Variants in DLG2 observed in about 807,000 individuals in gnomAD.
The protein encoded by DLG2 is discs large MAGUK scaffold protein 2.
In DLG2, 45 loss-of-function variants were observed where a neutral mutation model predicts 132.5. That is an observed-to-expected ratio of 0.34 (90% CI 0.27 to 0.44). DLG2 has a LOEUF of 0.44. DLG2 is among the 20% of genes least tolerant of loss of function. The probability of loss-of-function intolerance (pLI) is 1.00; values close to 1 mark genes in which losing one functional copy is unlikely to be tolerated. For synonymous variants in DLG2, 424 were observed against 419.6 expected (o/e 1.01, Z -0.13); for missense variants, 1,045 against 1,196.9 (o/e 0.87, Z 1.87).
intron 16 of DLG2, among the ~76,000 whole-genome samples, chr11:83,851,881 T>C (rs2059840070): frequency 6.7e-6 from 1 of 149,958 alleles, no homozygotes; most frequent in Non-Finnish European, 1.5e-5. Context: ...ATCGTGCCAC[T>C]GAACTCCAGC....
chr11:85,370,190 T>TA (rs899496170), intron 3 of DLG2, among the ~76,000 whole-genome samples: 4 of 152,202 alleles, frequency 2.6e-5, no homozygotes, highest in African/African-American at 9.7e-5. Flanking sequence ...TAAAGCAACT[T>TA]ACCAAGTTTT....
At chr11:84,456,551 AACACC>A (rs1296619837) in intron 7 of DLG2, among the ~76,000 whole-genome samples, 1 of 151,246 alleles carries the variant, frequency 6.6e-6, no homozygotes, top group Non-Finnish European at 1.5e-5. Context: ...GGGCTTTAAA[AACACC>A]ACATACATTA....
At chr11:84,580,512 C>T (rs950310006) in intron 6 of DLG2, among the ~76,000 whole-genome samples, 1 of 152,192 alleles carries the variant, frequency 6.6e-6, no homozygotes, top group African/African-American at 2.4e-5. Context: ...AGTTCACAGG[C>T]TCTGTGTGAT....
At chr11:85,029,377 CAT>C (rs2060821912) in intron 6 of DLG2, among the ~76,000 whole-genome samples, 1 of 152,176 alleles carries the variant, frequency 6.6e-6, no homozygotes, top group South Asian at 2.1e-4. Context: ...CATGTGTCCA[CAT>C]GTCTTCACTG....
At chr11:84,229,495 T>C (rs1050408732) in intron 8 of DLG2, among the ~76,000 whole-genome samples, 4 of 152,182 alleles carry the variant, frequency 2.6e-5, no homozygotes, top group African/African-American at 9.7e-5. Flanking sequence ...CGTTGTGATA[T>C]AGAATAAGAG....
At chr11:84,805,102 A>AAT (rs2075841000) in intron 6 of DLG2, among the ~76,000 whole-genome samples, 1 of 152,148 alleles carries the variant, frequency 6.6e-6, no homozygotes, top group Non-Finnish European at 1.5e-5. Context: ...TTGTGTCAGT[A>AAT]GAGGCCACAT....
intron 3 of DLG2, among the ~76,000 whole-genome samples, chr11:85,412,760 C>CACATAT (rs756868795): frequency 0.012 from 1,409 of 113,052 alleles, 14 homozygotes; most frequent in Non-Finnish European, 0.02. Context: ...CACACACACA[C>CACATAT]ATATATATAT....
intron 3 of DLG2, among the ~76,000 whole-genome samples, chr11:85,446,224 T>C (rs1234293052): frequency 6.6e-6 from 1 of 152,224 alleles, no homozygotes; most frequent in Non-Finnish European, 1.5e-5. Context: ...TTAGGGATTT[T>C]AAGTCTGATA....
intron 7 of DLG2, among the ~76,000 whole-genome samples, chr11:84,467,813 T>C (rs2154488420): frequency 6.6e-6 from 1 of 151,640 alleles, no homozygotes; most frequent in Non-Finnish European, 1.5e-5. Flanking sequence ...TTAAAATTAC[T>C]ATGTCTGCAA....
At chr11:83,591,707 T>C (rs2097190073) in intron 19 of DLG2, among the ~76,000 whole-genome samples, 1 of 151,442 alleles carries the variant, frequency 6.6e-6, no homozygotes, top group Admixed American at 6.6e-5. Context: ...AAATTGTCCC[T>C]GTTTGCAGAT....
rs73522966 is a variant in DLG2 at position 83,871,044 on chromosome 11, T to C, written c.1565+3376A>G. Reference sequence around the variant, plus strand: ...TCAATACCCTTCAATCAGCTTTCTGTTGCAAAGAAATATAATGAAACCATT... The same window carrying C: ...TCAATACCCTTCAATCAGCTTTCTGCTGCAAAGAAATATAATGAAACCATT... On this transcript the variant is annotated intron_variant, in intron 16 of 27. Transcript: ENST00000376104. Among the ~76,000 whole-genome samples, 731 of 152,326 alleles carry C rather than the reference T, an allele frequency of 4.8e-3. 10 individuals are homozygous for C. Among genetic ancestry groups the C allele is most frequent in the African/African-American group, 0.016 (659 of 41,578 alleles).
rs76366044 is a variant in DLG2, at chr11:85,615,968, C to A, written c.-93+10619G>T. ...CTTTTGTACAGCAGTTTCTTATCTACAAAATAATTTTTATATGGTCTAGGT... is the reference window on the plus strand; with the variant it reads ...CTTTTGTACAGCAGTTTCTTATCTAAAAAATAATTTTTATATGGTCTAGGT... On this transcript the variant is annotated intron_variant, in intron 2 of 27. Coordinates refer to ENST00000376104, the MANE Select transcript of DLG2 (RefSeq NM_001142699.3). Among the ~76,000 whole-genome samples the A allele has an allele frequency of 1.2e-3, 173 of 143,818 alleles. 1 individual carries two copies. The highest frequency in any genetic ancestry group is 4.3e-3 in the African/African-American group (168 of 39,316). 94.4% of individuals were successfully genotyped at this position (143,818 alleles called of 152,430 possible).
At chr11:85,472,460 C>A (rs182931933) in intron 3 of DLG2, among the ~76,000 whole-genome samples, 325 of 152,218 alleles carry the variant, frequency 2.1e-3, no homozygotes, top group Non-Finnish European at 3.8e-3. Flanking sequence ...CCACCAAGCC[C>A]AGCTAATTTT....
chr11:85,596,494 T>C (rs551112706), intron 3 of DLG2, among the ~76,000 whole-genome samples: 3 of 152,340 alleles, frequency 2.0e-5, no homozygotes, highest in Admixed American at 2.0e-4. Flanking sequence ...GCAGTAATGG[T>C]ATTTTATTAT....
At chr11:84,075,671 T>G (rs558152700) in intron 10 of DLG2, among the ~76,000 whole-genome samples, 15 of 152,170 alleles carry the variant, frequency 9.9e-5, no homozygotes, top group Non-Finnish European at 1.9e-4. Context: ...GAGGTGCTAA[T>G]TTTCTAGGGT....
intron 7 of DLG2, among the ~76,000 whole-genome samples, chr11:84,417,049 A>G (rs1021007969): frequency 6.6e-6 from 1 of 152,234 alleles, no homozygotes; most frequent in African/African-American, 2.4e-5. Context: ...AGAAATGCAG[A>G]TTCCATGATT....
rs1170400393 is a variant in DLG2 at position 83,986,746 on chromosome 11, G to A, written c.920-6104C>T. On this transcript the variant is annotated intron_variant, in intron 11 of 27. Transcript: ENST00000376104. Reference sequence around the variant, plus strand: ...GTTGTTTCCTGACTTTTTAATGATCGCCATTCTAACTGGTGTGAGATGGTA... The same window carrying A: ...GTTGTTTCCTGACTTTTTAATGATCACCATTCTAACTGGTGTGAGATGGTA... Among the ~76,000 whole-genome samples, 13 of 151,840 alleles carry A rather than the reference G, an allele frequency of 8.6e-5. No individual in the cohort carries two copies. In the East Asian group the frequency reaches 9.7e-4, roughly 11 times the overall value.
At chr11:84,908,472 G>A (rs1045528345) in intron 6 of DLG2, among the ~76,000 whole-genome samples, 1 of 152,062 alleles carries the variant, frequency 6.6e-6, no homozygotes, top group African/African-American at 2.4e-5. Context: ...AGAAGCTGCT[G>A]GATAGCCCTA....
intron 6 of DLG2, among the ~76,000 whole-genome samples, chr11:84,977,746 G>T (rs900683871): frequency 3.3e-5 from 5 of 152,106 alleles, no homozygotes; most frequent in Admixed American, 6.5e-5. Context: ...TATTAACACA[G>T]GTTTTGTAAA....
Sources: allele counts gnomAD v4.1 joint callset (sites outside exome capture counted in the v4.1 genomes callset), GRCh38; gene constraint gnomAD v4.1.1; transcripts MANE v1.5; gene names NCBI Gene and HGNC (gene_info 2026-07-23, HGNC 2026-07-21).